Variants in DLC1 observed in about 807,000 individuals in gnomAD.
DLC1 encodes the protein DLC1 Rho GTPase activating protein, also known as rho GTPase-activating protein 7.
In DLC1, 54 loss-of-function variants were observed where a neutral mutation model predicts 140.3. The ratio of observed to expected loss-of-function variants is 0.38; its 90% CI spans 0.31 to 0.48. DLC1 has a LOEUF of 0.48. DLC1 is among the 20% of genes least tolerant of loss of function. The pLI, the probability that DLC1 is intolerant of heterozygous loss-of-function variation, is 0.96. For missense variants in DLC1, 2,536 were observed against 1,907.0 expected (o/e 1.33, Z -6.14); for synonymous variants, 986 against 728.1 (o/e 1.35, Z -5.70).
intron 5 of DLC1, among the ~76,000 whole-genome samples, chr8:13,185,772 C>A (rs1373200463): frequency 2.0e-5 from 3 of 152,128 alleles, no homozygotes; most frequent in Non-Finnish European, 2.9e-5. Flanking sequence ...CATGTTTTTG[C>A]AGTGGTTGGT....
chr8:13,414,880 G>A (rs138454481), intron 2 of DLC1, among the ~76,000 whole-genome samples: 89 of 151,938 alleles, frequency 5.9e-4, no homozygotes, highest in African/African-American at 2.1e-3. Context: ...GCTCAATCTC[G>A]GCCCACTGCA....
intron 5 of DLC1, among the ~76,000 whole-genome samples, chr8:13,130,485 C>G (rs1398464843): frequency 6.6e-6 from 1 of 152,216 alleles, no homozygotes; most frequent in Non-Finnish European, 1.5e-5. Context: ...GCTCTCTCAA[C>G]TACAGTACAG....
chr8:13,325,239 A>G (rs1292686055), intron 4 of DLC1, among the ~76,000 whole-genome samples: 1 of 152,214 alleles, frequency 6.6e-6, no homozygotes, highest in East Asian at 1.9e-4. Flanking sequence ...GGAGGCCTGG[A>G]AAGGAAGTAG....
At chr8:13,419,189 A>C (rs1372509313) in intron 2 of DLC1, among the ~76,000 whole-genome samples, 2 of 152,014 alleles carry the variant, frequency 1.3e-5, no homozygotes, top group Admixed American at 6.6e-5. Context: ...CTGTTTTCCT[A>C]ATTGAATACC....
Position 13,095,124 on chromosome 8 carries a change from G to C in DLC1, c.3289C>G (p.Gln1097Glu), listed in dbSNP as rs755552305. ...TGGTTCCGGAGGTATCGCATGGCCT[G>C]CTGGATGCTCTGAGGCAACGGTTGT... The part of the protein sequence containing the change: ...TGQPLPQSIQ[Q>E]AMRYLRNHCL... Residue 1097 changes from glutamine to glutamate, a missense_variant, in exon 11 of 18, where the codon CAG (glutamine) becomes GAG (glutamate). By Grantham distance (29) the Gln-to-Glu change is conservative. Transcript: ENST00000276297. 7 of 1,614,146 alleles carry C rather than the reference G, an allele frequency of 4.3e-6. No homozygotes were observed. The South Asian group carries it at 4.4e-5, about 10-fold the overall frequency.
chr8:13,512,885 T>G (rs1243269525), intron 1 of DLC1, among the ~76,000 whole-genome samples: 1 of 151,996 alleles, frequency 6.6e-6, no homozygotes, highest in Non-Finnish European at 1.5e-5. Context: ...TGTAAAGTGT[T>G]TATTGAAGGC....
intron 5 of DLC1, among the ~76,000 whole-genome samples, chr8:13,255,744 G>T (rs1046144424): frequency 6.6e-6 from 1 of 152,048 alleles, no homozygotes; most frequent in African/African-American, 2.4e-5. Flanking sequence ...ATCACTTTCC[G>T]TCCAATACCA....
chr8:13,446,672 G>A (rs1221737274), intron 2 of DLC1, among the ~76,000 whole-genome samples: 2 of 152,100 alleles, frequency 1.3e-5, no homozygotes, highest in South Asian at 4.1e-4. Flanking sequence ...AAGGAATGGT[G>A]GTTCACGCCT....
intron 2 of DLC1, among the ~76,000 whole-genome samples, chr8:13,454,814 A>C (rs1308886946): frequency 6.6e-6 from 1 of 152,172 alleles, no homozygotes; most frequent in African/African-American, 2.4e-5. Flanking sequence ...TTGGCCTCTC[A>C]AAGCACTGGG....
chr8:13,594,364 G>C (rs183917252), intron 1 of DLC1, among the ~76,000 whole-genome samples: 16 of 152,002 alleles, frequency 1.1e-4, no homozygotes, highest in Non-Finnish European at 1.9e-4. Context: ...AGAGTTTTCT[G>C]TAAATGTTGT....
intron 1 of DLC1, among the ~76,000 whole-genome samples, chr8:13,527,299 C>T (rs577254231): frequency 9.2e-5 from 14 of 152,088 alleles, no homozygotes; most frequent in African/African-American, 1.7e-4. Flanking sequence ...GGAAAATATA[C>T]GAAAATTTGA....
chr8:13,176,793 G>T (rs189820505), intron 5 of DLC1, among the ~76,000 whole-genome samples: 505 of 152,240 alleles, frequency 3.3e-3, no homozygotes, highest in African/African-American at 0.011. Context: ...TATGGAGATT[G>T]TCCTGGATTA....
At chr8:13,526,049 A>T (rs557139147) in intron 1 of DLC1, among the ~76,000 whole-genome samples, 2 of 152,252 alleles carry the variant, frequency 1.3e-5, no homozygotes, top group East Asian at 3.9e-4. Flanking sequence ...TGGACATGCA[A>T]TTGTTCCAAA....
At chr8:13,185,209 G>C (rs546473010) in intron 5 of DLC1, among the ~76,000 whole-genome samples, 2 of 146,736 alleles carry the variant, frequency 1.4e-5, no homozygotes, top group Non-Finnish European at 3.0e-5. Flanking sequence ...CTTTGCATGC[G>C]AGATGGGTCT....
chr8:13,197,598 G>A (rs1827146970), intron 5 of DLC1, among the ~76,000 whole-genome samples: 2 of 151,880 alleles, frequency 1.3e-5, no homozygotes, highest in South Asian at 2.1e-4. Flanking sequence ...CTCCTGCCTC[G>A]GCGTCCCAAA....
chr8:13,110,816 C>T lies in DLC1; in HGVS notation c.1428G>A (p.Leu476=), dbSNP rs1380296971. Residue 476 remains leucine (L), a synonymous_variant, in exon 7 of 18, where the codon CTG becomes CTA. Coordinates refer to ENST00000276297, the MANE Select transcript of DLC1 (RefSeq NM_182643.3). ...TGACCAAGGAAATATCGATGGGGAA[C>T]AGGAAATCTATGAGAAAAATAAACA... ...PQYAQLYEDF[L]FPIDISLVKR... The T allele has an allele frequency of 6.2e-7, 1 of 1,613,990 alleles. No individual in the cohort carries two copies. Among genetic ancestry groups the T allele is most frequent in the East Asian group, 2.2e-5 (1 of 44,862 alleles).
At chr8:13,115,014 G>T (rs763991556) in intron 6 of DLC1, among the ~76,000 whole-genome samples, 3 of 152,114 alleles carry the variant, frequency 2.0e-5, no homozygotes, top group African/African-American at 7.2e-5. Context: ...TACCACAAAA[G>T]ATAGATGCAA....
At chr8:13,503,811 A>G (rs1801927880) in intron 1 of DLC1, among the ~76,000 whole-genome samples, 1 of 152,222 alleles carries the variant, frequency 6.6e-6, no homozygotes, top group South Asian at 2.1e-4. Flanking sequence ...ATTTTGTGGG[A>G]GAAACTCCTG....
intron 4 of DLC1, among the ~76,000 whole-genome samples, chr8:13,339,204 A>G (rs1018643297): frequency 6.6e-6 from 1 of 152,216 alleles, no homozygotes; most frequent in African/African-American, 2.4e-5. Context: ...TGATGCACGT[A>G]AGAAAAAATT....
Sources: allele counts gnomAD v4.1 joint callset (sites outside exome capture counted in the v4.1 genomes callset), GRCh38; gene constraint gnomAD v4.1.1; transcripts MANE v1.5; gene names NCBI Gene and HGNC (gene_info 2026-07-23, HGNC 2026-07-21).